Variants in SCAF11 observed in about 807,000 individuals in gnomAD.
SCAF11 encodes SR-related CTD associated factor 11.
Under a neutral mutation model 140.5 loss-of-function variants are expected in SCAF11, and 47 were observed. The ratio of observed to expected loss-of-function variants is 0.33; its 90% CI spans 0.26 to 0.43. The LOEUF is 0.43. Among genes scored for constraint, SCAF11 ranks in the 20% least tolerant of loss-of-function variants. The pLI, the probability that SCAF11 is intolerant of heterozygous loss-of-function variation, is 1.00. For missense variants in SCAF11, 1,645 were observed against 1,705.1 expected (o/e 0.96, Z 0.62); for synonymous variants, 557 against 579.4 (o/e 0.96, Z 0.55).
chr12:45,931,198 C>G (rs1220638875), intron 10 of SCAF11: 1 of 163,098 alleles, frequency 6.1e-6, no homozygotes, highest in Non-Finnish European at 1.3e-5. Context: ...ATTCACTTAG[C>G]CTAATGTCCT....
chr12:45,939,687 G>C (rs1675093386), intron 6 of SCAF11, among the ~76,000 whole-genome samples: 1 of 152,144 alleles, frequency 6.6e-6, no homozygotes, highest in Non-Finnish European at 1.5e-5. Context: ...ACTCTAGCCT[G>C]GGCAACAAGA....
intron 6 of SCAF11, chr12:45,935,005 T>C (rs1235803566): frequency 6.6e-6 from 1 of 152,338 alleles, no homozygotes; most frequent in Non-Finnish European, 1.5e-5. Context: ...ACTTCAGGTA[T>C]GTTCTTTCCT....
At chr12:45,953,720 C>T (rs1169195363) in intron 3 of SCAF11, 3 of 229,300 alleles carry the variant, frequency 1.3e-5, no homozygotes, top group Non-Finnish European at 2.7e-5. Context: ...TGTATAGAGG[C>T]CATGAATTTA....
Position 45,922,602 on chromosome 12 carries a change from T to A in SCAF11, c.4126-20A>T, listed in dbSNP as rs749525971. ...CAATTTCTGATGAGAAGAAAATGTATAATTTATTATTTGCCAGTCATACTG... is the reference window on the plus strand; with the variant it reads ...CAATTTCTGATGAGAAGAAAATGTAAAATTTATTATTTGCCAGTCATACTG... On this transcript the variant is annotated intron_variant, in intron 13 of 14. Coordinates refer to ENST00000369367, the MANE Select transcript of SCAF11 (RefSeq NM_004719.3). 2 of 1,570,292 alleles carry A rather than the reference T, an allele frequency of 1.3e-6. No homozygotes were observed. The highest frequency in any genetic ancestry group is 4.6e-5 in the East Asian group (2 of 43,944).
At chr12:45,979,903 T>A (rs988212042) in intron 1 of SCAF11, among the ~76,000 whole-genome samples, 15 of 152,188 alleles carry the variant, frequency 9.9e-5, no homozygotes, top group African/African-American at 3.6e-4. Flanking sequence ...AAAAAAAAAT[T>A]CTGCCACATT....
At chr12:45,950,005 GAC>G (rs1945513101) in intron 4 of SCAF11, among the ~76,000 whole-genome samples, 3 of 152,042 alleles carry the variant, frequency 2.0e-5, no homozygotes, top group African/African-American at 4.8e-5. Flanking sequence ...ATTGTGAAAG[GAC>G]AGAGAAGTAA....
rs1359042462 is a variant in SCAF11, at chr12:45,922,176, C to T, written c.4264G>A (p.Gly1422Arg). The change falls in exon 15 of 15, where the codon GGA becomes AGA. Residue 1422 changes from glycine to arginine, a missense_variant. Around this residue, in one of 2 missense-constraint regions of SCAF11, gnomAD observed 63 missense variants for 95.9 expected, o/e 0.66. Transcript: ENST00000369367. ...AVDKVCHSKSGEVNSTKVANL... is the reference protein window; with the variant it reads ...AVDKVCHSKSREVNSTKVANL... ...GCCACTTTAGTAGAATTTACTTCTC[C>T]ACTCTTACTATGACAAACCTAAGAA... The T allele has an allele frequency of 6.2e-7, 1 of 1,611,312 alleles. No individual in the cohort carries two copies. Among genetic ancestry groups the T allele is most frequent in the Admixed American group, 1.7e-5 (1 of 59,428 alleles).
At chr12:45,989,116 G>A (rs577883108) in intron 1 of SCAF11, among the ~76,000 whole-genome samples, 2 of 152,218 alleles carry the variant, frequency 1.3e-5, no homozygotes, top group Non-Finnish European at 1.5e-5. Context: ...AAACAGACTT[G>A]ATTACATGTC....
At chr12:45,935,578 A>G (rs1328145251) in intron 6 of SCAF11, among the ~76,000 whole-genome samples, 3 of 152,208 alleles carry the variant, frequency 2.0e-5, no homozygotes, top group Non-Finnish European at 2.9e-5. Flanking sequence ...ATACCTACAT[A>G]GTGTCTTTTA....
upstream of SCAF11, chr12:45,990,674 G>A (rs1056543346): frequency 4.3e-5 from 42 of 979,800 alleles, no homozygotes; most frequent in Non-Finnish European, 5.4e-5. Flanking sequence ...AGGTGACGAC[G>A]GCGGCAGCCG....
intron 10 of SCAF11, among the ~76,000 whole-genome samples, chr12:45,930,620 C>T (rs957338412): frequency 3.9e-5 from 6 of 151,930 alleles, no homozygotes; most frequent in African/African-American, 9.7e-5. Context: ...CTGGTAAATA[C>T]GTACTATATT....
chr12:45,944,792 T>A (rs1231068885), intron 6 of SCAF11, among the ~76,000 whole-genome samples: 1 of 152,208 alleles, frequency 6.6e-6, no homozygotes, highest in Non-Finnish European at 1.5e-5. Context: ...GGTGCTTTTA[T>A]TTCTAAAGTT....
rs768285235 is a variant in SCAF11 at position 45,923,039 on chromosome 12, G to A, written c.4022C>T (p.Ser1341Leu). 4 of 1,614,132 alleles carry A rather than the reference G, an allele frequency of 2.5e-6. No individual in the cohort carries two copies. Among genetic ancestry groups the A allele is most frequent in the Non-Finnish European group, 1.7e-6 (2 of 1,180,002 alleles). The part of the protein sequence containing the change: ...MVQGPSSGNT[S>L]SSSHSKASNA... Reference sequence around the variant, plus strand: ...AGAGGCTTTGCTGTGACTTGATGACGAAGTATTACCAGAACTTGGTCCCTG... The same window carrying A: ...AGAGGCTTTGCTGTGACTTGATGACAAAGTATTACCAGAACTTGGTCCCTG... Residue 1341 changes from serine (S) to leucine (L), a missense_variant, in exon 13 of 15, where the codon TCG (serine) becomes TTG (leucine). By Grantham distance (145) the Ser-to-Leu change is moderately radical. Coordinates refer to ENST00000369367, the MANE Select transcript of SCAF11 (RefSeq NM_004719.3).
At chr12:45,981,658 G>A (rs1592227296) in intron 1 of SCAF11, among the ~76,000 whole-genome samples, 2 of 152,268 alleles carry the variant, frequency 1.3e-5, no homozygotes, top group Admixed American at 1.3e-4. Context: ...TTAGCCGAGT[G>A]TGGTGGCATG....
chr12:45,989,697 C>T (rs977264267), intron 1 of SCAF11, among the ~76,000 whole-genome samples: 3 of 152,204 alleles, frequency 2.0e-5, no homozygotes, highest in African/African-American at 7.2e-5. Flanking sequence ...GTTGTCAGCC[C>T]AGGTAGCGAA....
At chr12:45,924,469 T>TA (rs1178663558) in intron 12 of SCAF11, among the ~76,000 whole-genome samples, 4 of 152,238 alleles carry the variant, frequency 2.6e-5, no homozygotes, top group African/African-American at 7.2e-5. Context: ...TTAATATGAA[T>TA]AAAAAAATCC....
intron 4 of SCAF11, among the ~76,000 whole-genome samples, chr12:45,948,912 G>A (rs1314462675): frequency 2.6e-5 from 4 of 152,108 alleles, no homozygotes; most frequent in Non-Finnish European, 5.9e-5. Context: ...AAATATTCTA[G>A]GTGGAGGAAA....
Position 45,926,161 on chromosome 12 carries a change from C to T in SCAF11, c.3540G>A (p.Glu1180=). The T allele has an allele frequency of 6.2e-7, 1 of 1,612,542 alleles. No homozygotes were observed. The highest frequency in any genetic ancestry group is 8.5e-7 in the Non-Finnish European group (1 of 1,178,860). Residue 1180 remains glutamate, a synonymous_variant, in exon 11 of 15, where the codon GAG becomes GAA. Transcript: ENST00000369367. The stretch of plus-strand genomic sequence containing the variant: ...CATTACCCTGTCCAGATGTTTCCTC[C>T]TCTTGTTTCATCCATCCAGACTGTG... ...SGPQSGWMKQ[E]EETSGQDSSL...
At chr12:45,980,576 C>T (rs1946327024) in intron 1 of SCAF11, among the ~76,000 whole-genome samples, 1 of 152,166 alleles carries the variant, frequency 6.6e-6, no homozygotes, top group African/African-American at 2.4e-5. Flanking sequence ...CCCTTATGCT[C>T]TTAACCATTG....
Sources: allele counts gnomAD v4.1 joint callset (sites outside exome capture counted in the v4.1 genomes callset), GRCh38; gene constraint gnomAD v4.1.1; regional missense constraint gnomAD v4.1.1; transcripts MANE v1.5; gene names NCBI Gene and HGNC (gene_info 2026-07-23, HGNC 2026-07-21).